Variants in SLC12A9 observed in about 807,000 individuals in gnomAD.
SLC12A9 encodes the protein solute carrier family 12 member 9, also known as CCC-interacting protein 1.
Under a neutral mutation model 66.0 loss-of-function variants are expected in SLC12A9, and 55 were observed. That is an observed-to-expected ratio of 0.83 (90% CI 0.67 to 1.04). SLC12A9 has a LOEUF of 1.04. Ranked by LOEUF, SLC12A9 falls within the 50% of genes least tolerant of loss-of-function variation. The probability of loss-of-function intolerance (pLI) is 0.00; values close to 1 mark genes in which losing one functional copy is unlikely to be tolerated. For synonymous variants in SLC12A9, 577 were observed against 569.0 expected, an observed-to-expected ratio of 1.01 and a Z score of -0.20; for missense variants, 1,061 against 1,241.9, an observed-to-expected ratio of 0.85 and a Z score of 2.19.
At chr7:100,842,329 A>G (rs1432667019) in intron 1 of SLC12A9, among the ~76,000 whole-genome samples, 1 of 152,096 alleles carries the variant, frequency 6.6e-6, no homozygotes, top group Non-Finnish European at 1.5e-5. Context: ...TCCTCAAACT[A>G]TTGCATTTAA....
At position 100,859,247 on chromosome 7, in the gene SLC12A9, A is replaced by T. The variant is rs979885898; in HGVS notation, c.977+86A>T. The T allele has an allele frequency of 1.6e-5, 21 of 1,309,986 alleles. No individual in the cohort carries two copies. In the Admixed American group the frequency reaches 3.8e-4, roughly 24 times the overall value. The allele number at this position is 1,309,986 out of a possible 1,614,324, so 81.1% of individuals were successfully genotyped here. A position where few individuals can be genotyped will look rare whatever the true frequency, so the allele number is the denominator to read the frequency against. On this transcript the variant is annotated intron_variant, in intron 7 of 13. Coordinates refer to ENST00000354161, the MANE Select transcript of SLC12A9 (RefSeq NM_020246.4). ...GGGAAACACAGGCTGGGGGACTGGG[A>T]AGCAGAAACCCAGCTTGTTGGGGTG... is the stretch of plus-strand genomic sequence containing the variant.
exon 1 of SLC12A9, chr7:100,826,988 C>A: frequency 6.4e-7 from 1 of 1,565,998 alleles, no homozygotes; most frequent in East Asian, 2.4e-5. Flanking sequence ...CCTTCCAAAG[C>A]TGCGGCCAAC....
In SLC12A9 at chr7:100,856,223, T is replaced by G. The variant is rs1814378511; in HGVS notation, c.448+386T>G. 9 of 169,626 alleles carry G rather than the reference T, an allele frequency of 5.3e-5. No individual in the cohort carries two copies. In the South Asian group the frequency reaches 1.1e-3, roughly 22 times the overall value. The allele number at this position is 169,626 out of a possible 1,614,324, so 10.5% of individuals were successfully genotyped here. On this transcript the variant is annotated intron_variant, in intron 4 of 13. Coordinates refer to ENST00000354161, the MANE Select transcript of SLC12A9 (RefSeq NM_020246.4). ...GGTCCCTTCTTATTTATTTATTTAT[T>G]TTGAGATGGAGTCTTGCTTTGTTGC... is the stretch of plus-strand genomic sequence containing the variant.
chr7:100,837,870 T>TG, intron 1 of SLC12A9, among the ~76,000 whole-genome samples: 3 of 140,418 alleles, frequency 2.1e-5, no homozygotes, highest in Non-Finnish European at 4.7e-5. Context: ...TTTTTTTTTT[T>TG]TTTTTTTTGA....
intron 1 of SLC12A9, among the ~76,000 whole-genome samples, chr7:100,829,288 G>A (rs576451715): frequency 1.2e-3 from 181 of 152,118 alleles, no homozygotes; most frequent in African/African-American, 4.0e-3. Flanking sequence ...GCGCCCAGCC[G>A]GAGGACAGAA....
upstream of SLC12A9, among the ~76,000 whole-genome samples, chr7:100,851,026 A>T (rs982381627): frequency 2.6e-4 from 40 of 151,088 alleles, no homozygotes; most frequent in African/African-American, 8.3e-4. Flanking sequence ...CCCAATTTTT[A>T]AAAAAAATTT....
chr7:100,836,960 A>G (rs946923406), intron 1 of SLC12A9, among the ~76,000 whole-genome samples: 1 of 152,154 alleles, frequency 6.6e-6, no homozygotes, highest in Non-Finnish European at 1.5e-5. Flanking sequence ...CCGAAGGGGC[A>G]GACGGGGCAT....
At chr7:100,864,861 A>G (rs1244242942) in intron 13 of SLC12A9, among the ~76,000 whole-genome samples, 2 of 152,234 alleles carry the variant, frequency 1.3e-5, no homozygotes, top group African/African-American at 4.8e-5. Context: ...AGCCCCTGGT[A>G]AGCGGATACC....
upstream of SLC12A9, among the ~76,000 whole-genome samples, chr7:100,852,088 A>G (rs1814105519): frequency 6.6e-6 from 1 of 152,194 alleles, no homozygotes; most frequent in Non-Finnish European, 1.5e-5. Flanking sequence ...CTCAGCTCTC[A>G]GTAGAGTTCA....
In SLC12A9 at chr7:100,866,989, T is replaced by C. The variant is rs1815134780; in HGVS notation, c.*384T>C. The C allele has an allele frequency of 4.7e-6, 1 of 214,208 alleles. No individual in the cohort carries two copies. The highest frequency in any genetic ancestry group is 9.1e-6 in the Non-Finnish European group (1 of 110,276). The allele number at this position is 214,208 out of a possible 1,614,324, so 13.3% of individuals were successfully genotyped here. A position where few individuals can be genotyped will look rare whatever the true frequency, so the allele number is the denominator to read the frequency against. ...TTTATTTTTCTAACTCTGCTGACCA[T>C]GAATAAAAGACCAAAACACTACAGG... On this transcript the variant is annotated 3_prime_UTR_variant, in exon 14 of 14. Transcript: ENST00000354161. The surrounding 1 kb of genome is among the most constrained non-coding windows in gnomAD (Gnocchi z 7.3).
upstream of SLC12A9, among the ~76,000 whole-genome samples, chr7:100,850,478 G>C (rs1011637036): frequency 2.0e-5 from 3 of 151,336 alleles, no homozygotes; most frequent in Non-Finnish European, 4.4e-5. Flanking sequence ...GGCCTCAAAT[G>C]ACCCTTCTGC....
At chr7:100,828,616 C>G (rs1365101306) in intron 1 of SLC12A9, among the ~76,000 whole-genome samples, 1 of 151,076 alleles carries the variant, frequency 6.6e-6, no homozygotes, top group Admixed American at 6.6e-5. Context: ...GGCTAGATCT[C>G]CAAATCGCCC....
At chr7:100,855,682 G>A (rs759780820) in intron 3 of SLC12A9, 24 bp from the exon 4 acceptor site, 16 of 1,613,814 alleles carry the variant, frequency 9.9e-6, no homozygotes, top group Non-Finnish European at 1.4e-5. Context: ...TTCCCTTAAT[G>A]CTCACCCCTG....
In SLC12A9 at chr7:100,861,148, T is replaced by C; in HGVS notation, c.1229T>C (p.Leu410Pro). 2 of 1,614,222 alleles carry C rather than the reference T, an allele frequency of 1.2e-6. No individual in the cohort carries two copies. Among genetic ancestry groups the C allele is most frequent in the Non-Finnish European group, 1.7e-6 (2 of 1,180,032 alleles). The change falls in exon 10 of 14, where the codon CTG (leucine) becomes CCG (proline). Residue 410 changes from leucine to proline, a missense_variant. Coordinates refer to ENST00000354161, the MANE Select transcript of SLC12A9 (RefSeq NM_020246.4). This position sits in a 1 kb window ranked among gnomAD's most constrained non-coding sequence, Gnocchi z 5.3. ...TTGGCCCTTGCCCAGCTGGTGCTCC[T>C]GGCTGGGAAGCTGAACACACTGGCT... ...YSWGLVQLVL[L>P]AGKLNTLAAV...
intron 1 of SLC12A9, among the ~76,000 whole-genome samples, chr7:100,847,052 A>C (rs1301581471): frequency 6.6e-6 from 1 of 152,112 alleles, no homozygotes; most frequent in Non-Finnish European, 1.5e-5. Context: ...TGAGCCCTTA[A>C]AAAAGACAGG....
At chr7:100,831,594 C>T (rs1415877620) in intron 1 of SLC12A9, among the ~76,000 whole-genome samples, 2 of 152,210 alleles carry the variant, frequency 1.3e-5, no homozygotes, top group Non-Finnish European at 2.9e-5. Flanking sequence ...CTTTCCTCAG[C>T]CTCCTGAGGA....
intron 7 of SLC12A9, 72 bp downstream of exon 7, chr7:100,859,233 G>A: frequency 2.1e-6 from 3 of 1,431,844 alleles, no homozygotes; most frequent in Non-Finnish European, 2.9e-6. Context: ...GGAAACACAG[G>A]CTGGGGGACT....
rs768757934 is a variant in SLC12A9 at position 100,861,541 on chromosome 7, C to T, written c.1493C>T (p.Pro498Leu). 1 of 1,613,812 alleles carries T rather than the reference C, an allele frequency of 6.2e-7. No homozygotes were observed. Among genetic ancestry groups the T allele is most frequent in the Admixed American group, 1.7e-5 (1 of 60,030 alleles). Residue 498 changes from proline (P) to leucine (L), a missense_variant, in exon 11 of 14, where the codon CCC becomes CTC. Pro to Leu is a moderately conservative substitution (Grantham distance 98). Coordinates refer to ENST00000354161, the MANE Select transcript of SLC12A9 (RefSeq NM_020246.4). The surrounding 1 kb of genome is among the most constrained non-coding windows in gnomAD (Gnocchi z 5.3). ...LAALLTARGGPSSWGYVSQAL... is the reference protein window; with the variant it reads ...LAALLTARGGLSSWGYVSQAL... Reference sequence around the variant, plus strand: ...GCCCTGCTCACCGCGCGAGGAGGCCCCAGTAGCTGGGGCTATGTCAGCCAG... The same window carrying T: ...GCCCTGCTCACCGCGCGAGGAGGCCTCAGTAGCTGGGGCTATGTCAGCCAG...
At position 100,830,704 on chromosome 7, in the gene SLC12A9, T is replaced by C. The variant is rs557163645; in HGVS notation, n.228+3657T>C. On this transcript the variant is annotated intron_variant and non_coding_transcript_variant, in intron 1 of 1. Transcript: ENST00000461016. The stretch of plus-strand genomic sequence containing the variant: ...AGTTTTCAAGATTTGTAAAACATGG[T>C]TCCTGGCCTCAAAGAGAATCTGGTA... Among the ~76,000 whole-genome samples the C allele has an allele frequency of 2.0e-5, 3 of 152,114 alleles. No individual in the cohort carries two copies. The East Asian group carries it at 5.8e-4, about 29-fold the overall frequency.
Sources: allele counts gnomAD v4.1 joint callset (sites outside exome capture counted in the v4.1 genomes callset), GRCh38; gene constraint gnomAD v4.1.1; non-coding constraint Gnocchi (gnomAD v3.1); transcripts MANE v1.5; gene names NCBI Gene and HGNC (gene_info 2026-07-23, HGNC 2026-07-21).